The following TAFA4 variants were observed in gnomAD, a reference collection of about 807,000 sequenced individuals.
TAFA4 encodes chemokine-like protein TAFA-4.
A neutral mutation model predicts 21.1 loss-of-function variants in TAFA4; 20 were observed. The observed-to-expected ratio is 0.95, with a 90% CI of 0.67 to 1.38. The LOEUF is 1.38. Among genes scored for constraint, TAFA4 ranks in the 40% most tolerant of loss-of-function variants. TAFA4 has a pLI of 0.00. For synonymous variants in TAFA4, 71 were observed against 67.4 expected, an observed-to-expected ratio of 1.05 and a Z score of -0.26; for missense variants, 211 against 180.9, an observed-to-expected ratio of 1.17 and a Z score of -0.95.
chr3:68,739,216 AAAT>A lies in TAFA4; in HGVS notation c.287-20_287-18del, dbSNP rs779040320. 1.9e-5 allele frequency: 30 copies of A among 1,613,270 alleles called. No homozygotes were observed. The highest frequency in any genetic ancestry group is 8.3e-5 in the Admixed American group (5 of 59,984). On this transcript the variant is annotated intron_variant, in intron 4 of 5. Transcript: ENST00000295569. ...CAATGGAAGCTGGAAAACAAAGGCC[AAAT>A]AATATTTGTGACACTGTTTCTTCCT...
At chr3:68,764,127 C>T (rs959690277) in intron 3 of TAFA4, among the ~76,000 whole-genome samples, 1 of 151,994 alleles carries the variant, frequency 6.6e-6, no homozygotes, top group Non-Finnish European at 1.5e-5. Flanking sequence ...GGAGATAGAG[C>T]TTTAGTGGGG....
intron 3 of TAFA4, among the ~76,000 whole-genome samples, chr3:68,862,731 GGTACCGTCTGAGAT>G (rs1012505311): frequency 6.6e-6 from 1 of 151,912 alleles, no homozygotes; most frequent in African/African-American, 2.4e-5. Context: ...CCCTTGGGCT[GGTACCGTCTGAGAT>G]GTCTGGAAAC....
At chr3:68,875,459 G>A (rs529552947) in intron 3 of TAFA4, among the ~76,000 whole-genome samples, 4 of 152,092 alleles carry the variant, frequency 2.6e-5, no homozygotes, top group Non-Finnish European at 5.9e-5. Flanking sequence ...CCAAAACATA[G>A]GACCTTTAAA....
chr3:68,747,260 T>TCAAA (rs1702476274), intron 4 of TAFA4, among the ~76,000 whole-genome samples: 1 of 152,036 alleles, frequency 6.6e-6, no homozygotes, highest in Non-Finnish European at 1.5e-5. Context: ...TCTCTCTCTC[T>TCAAA]CAAACACACA....
chr3:68,908,170 TA>T (rs1291647573), intron 1 of TAFA4, among the ~76,000 whole-genome samples: 3 of 152,194 alleles, frequency 2.0e-5, no homozygotes, highest in Non-Finnish European at 4.4e-5. Context: ...AATAACGCTC[TA>T]AAAGTACTGA....
chr3:68,816,341 T>A (rs1025213351), intron 3 of TAFA4, among the ~76,000 whole-genome samples: 2 of 152,130 alleles, frequency 1.3e-5, no homozygotes, highest in African/African-American at 2.4e-5. Flanking sequence ...ATTCTTCCAA[T>A]CCATGAGCAT....
intron 3 of TAFA4, among the ~76,000 whole-genome samples, chr3:68,822,475 T>C (rs1704134778): frequency 6.6e-6 from 1 of 151,946 alleles, no homozygotes; most frequent in Admixed American, 6.6e-5. Context: ...AATTCTTTTT[T>C]TCTCTCTCTC....
chr3:68,810,928 G>C (rs1018519296), intron 3 of TAFA4, among the ~76,000 whole-genome samples: 2 of 152,130 alleles, frequency 1.3e-5, no homozygotes, highest in Non-Finnish European at 2.9e-5. Context: ...CCCCCAGTAG[G>C]GGCAGTCTGA....
chr3:68,830,458 T>G (rs1704356862), intron 3 of TAFA4, among the ~76,000 whole-genome samples: 1 of 152,226 alleles, frequency 6.6e-6, no homozygotes, highest in Non-Finnish European at 1.5e-5. Flanking sequence ...CAGTAGTCAT[T>G]CAGGAGCAGA....
Position 68,908,148 on chromosome 3 carries a change from A to C in TAFA4, c.-122-22838T>G, listed in dbSNP as rs868304368. Among the ~76,000 whole-genome samples the C allele has an allele frequency of 1.5e-4, 23 of 152,342 alleles. 2 individuals carry two copies. In the South Asian group the frequency reaches 4.8e-3, roughly 32 times the overall value. On this transcript the variant is annotated intron_variant, in intron 1 of 5. Coordinates refer to ENST00000295569, the MANE Select transcript of TAFA4 (RefSeq NM_182522.5). ...AAAATGTAGGCTGGACGTAATGAAA[A>C]TAGGTAGACTAAATAACGCTCTAAA...
intron 1 of TAFA4, among the ~76,000 whole-genome samples, chr3:68,906,039 T>C (rs1173069151): frequency 1.3e-5 from 2 of 152,036 alleles, no homozygotes. Flanking sequence ...AAGTAAACAA[T>C]AAAGTAAATT....
At chr3:68,803,014 A>T (rs2106830227) in intron 3 of TAFA4, among the ~76,000 whole-genome samples, 1 of 152,310 alleles carries the variant, frequency 6.6e-6, no homozygotes, top group East Asian at 1.9e-4. Context: ...GGTTTGTTCT[A>T]GCTTTTTTTC....
chr3:68,783,226 A>G (rs1395163336), intron 3 of TAFA4, among the ~76,000 whole-genome samples: 2 of 152,240 alleles, frequency 1.3e-5, no homozygotes, highest in Admixed American at 1.3e-4. Flanking sequence ...CAAAGCAGGA[A>G]TATTTGCTCT....
At chr3:68,884,857 C>A (rs2089654687) in intron 2 of TAFA4, among the ~76,000 whole-genome samples, 1 of 152,214 alleles carries the variant, frequency 6.6e-6, no homozygotes, top group South Asian at 2.1e-4. Flanking sequence ...ATTCACTTAA[C>A]AATAGCTCAA....
At chr3:68,749,916 A>C (rs1014006705) in intron 4 of TAFA4, among the ~76,000 whole-genome samples, 2 of 152,216 alleles carry the variant, frequency 1.3e-5, no homozygotes, top group Non-Finnish European at 2.9e-5. Flanking sequence ...GGACATATAT[A>C]TCATCACATA....
At chr3:68,751,816 T>C (rs1238313167) in intron 4 of TAFA4, among the ~76,000 whole-genome samples, 3 of 152,216 alleles carry the variant, frequency 2.0e-5, no homozygotes, top group African/African-American at 4.8e-5. Flanking sequence ...TGTAAGGTAA[T>C]AGATGGTATA....
chr3:68,913,887 A>T (rs9835177), intron 1 of TAFA4, among the ~76,000 whole-genome samples: 6,135 of 152,234 alleles, frequency 0.04, 429 homozygotes, highest in African/African-American at 0.14. Flanking sequence ...ATCCTACCCA[A>T]CCCAATTAAG....
At position 68,930,966 on chromosome 3, in the gene TAFA4, C is replaced by A. The variant is rs144347181; in HGVS notation, c.-123+1274G>T. ...CTGAACTGGGCTCTGACACAAACTGCCCCCACCTCTTCCCTCCTCAGCGAG... is the reference window on the plus strand; with the variant it reads ...CTGAACTGGGCTCTGACACAAACTGACCCCACCTCTTCCCTCCTCAGCGAG... On this transcript the variant is annotated intron_variant, in intron 1 of 5. Transcript: ENST00000295569. 2.6e-5 allele frequency among the ~76,000 whole-genome samples: 4 copies of A among 152,170 alleles called. No individual in the cohort carries two copies. In the East Asian group the frequency reaches 7.7e-4, roughly 29 times the overall value.
chr3:68,780,191 A>C (rs1227420443), intron 3 of TAFA4, among the ~76,000 whole-genome samples: 1 of 152,226 alleles, frequency 6.6e-6, no homozygotes, highest in Non-Finnish European at 1.5e-5. Flanking sequence ...TGTATATAGG[A>C]AGTAACTAAC....
Sources: allele counts gnomAD v4.1 joint callset (sites outside exome capture counted in the v4.1 genomes callset), GRCh38; gene constraint gnomAD v4.1.1; transcripts MANE v1.5; gene names NCBI Gene and HGNC (gene_info 2026-07-23, HGNC 2026-07-21).